The following PDE1A variants were observed in gnomAD, a reference collection of about 807,000 sequenced individuals.
The protein encoded by PDE1A is phosphodiesterase 1A.
PDE1A carries 35 observed loss-of-function variants against 61.7 expected under a neutral mutation model. The observed-to-expected ratio is 0.57, with a 90% CI of 0.43 to 0.75. The LOEUF (loss-of-function observed/expected upper bound fraction) is 0.75, where lower values mean the gene tolerates loss of function less well. Ranked by LOEUF, PDE1A falls within the 30% of genes least tolerant of loss-of-function variation. The pLI is 0.00. For synonymous variants in PDE1A, 232 were observed against 213.2 expected (o/e 1.09, Z -0.77); for missense variants, 597 against 630.6 (o/e 0.95, Z 0.57).
At chr2:182,198,216 C>T (rs1686303163) in intron 10 of PDE1A, among the ~76,000 whole-genome samples, 1 of 151,892 alleles carries the variant, frequency 6.6e-6, no homozygotes, top group Non-Finnish European at 1.5e-5. Context: ...CATACAGAAA[C>T]ACAATTGATT....
the PDE1A span, among the ~76,000 whole-genome samples, chr2:182,544,582 TGTC>T: frequency 6.6e-6 from 1 of 152,212 alleles, no homozygotes; most frequent in African/African-American, 2.4e-5. Flanking sequence ...AGGAAAGTGA[TGTC>T]GTGGAGATAG....
chr2:182,373,509 A>G (rs1174856403), intron 1 of PDE1A, among the ~76,000 whole-genome samples: 1 of 152,244 alleles, frequency 6.6e-6, no homozygotes, highest in Non-Finnish European at 1.5e-5. Flanking sequence ...ATTTAAAGGC[A>G]GTTCTAAAAC....
chr2:182,376,069 G>C (rs1700386264), intron 1 of PDE1A, among the ~76,000 whole-genome samples: 1 of 152,190 alleles, frequency 6.6e-6, no homozygotes, highest in African/African-American at 2.4e-5. Context: ...GGTCTGTAAT[G>C]GGAGGGACTG....
intron 2 of PDE1A, among the ~76,000 whole-genome samples, chr2:182,473,326 T>C (rs1240093293): frequency 6.6e-6 from 1 of 151,664 alleles, no homozygotes; most frequent in Non-Finnish European, 1.5e-5. Flanking sequence ...GAAACTACCA[T>C]CAGAGTGAAC....
chr2:182,706,966 G>A, the PDE1A span, among the ~76,000 whole-genome samples: 8 of 152,220 alleles, frequency 5.3e-5, no homozygotes, highest in African/African-American at 1.4e-4. Context: ...TGTTCTGAAA[G>A]CACTTCACTT....
rs77157065 is a variant in PDE1A at position 182,305,905 on chromosome 2, C to G, written c.54-41491G>C. Among the ~76,000 whole-genome samples, 1,053 of 152,172 alleles carry G rather than the reference C, an allele frequency of 6.9e-3. 11 individuals carry two copies. Among genetic ancestry groups the G allele is most frequent in the African/African-American group, 0.024 (983 of 41,542 alleles). On this transcript the variant is annotated intron_variant, in intron 1 of 13. Coordinates refer to ENST00000351439, the Ensembl canonical transcript of PDE1A. Reference sequence around the variant, plus strand: ...TTGTGATAAGAACATCTGAAATTTACTCTCTTAGCAATTTTAAAATATACA... The same window carrying G: ...TTGTGATAAGAACATCTGAAATTTAGTCTCTTAGCAATTTTAAAATATACA...
chr2:182,706,820 C>T, the PDE1A span, among the ~76,000 whole-genome samples: 1 of 152,164 alleles, frequency 6.6e-6, no homozygotes, highest in Admixed American at 6.5e-5. Flanking sequence ...TAAGCAGTAA[C>T]TTAAATATGT....
intron 4 of PDE1A, among the ~76,000 whole-genome samples, chr2:182,233,038 TC>T (rs1205762159): frequency 6.6e-6 from 1 of 152,234 alleles, no homozygotes; most frequent in Non-Finnish European, 1.5e-5. Context: ...TTAGTTTATA[TC>T]TTTTTTACTA....
At chr2:182,573,969 T>TA in the PDE1A span, among the ~76,000 whole-genome samples, 14 of 94,080 alleles carry the variant, frequency 1.5e-4, no homozygotes, top group East Asian at 3.3e-4. Context: ...ATATATTTTT[T>TA]TATACACACA....
intron 2 of PDE1A, among the ~76,000 whole-genome samples, chr2:182,489,618 G>T (rs557229644): frequency 2.0e-5 from 3 of 152,206 alleles, no homozygotes; most frequent in Non-Finnish European, 2.9e-5. Flanking sequence ...CTGATGAATT[G>T]GATGTGGCTG....
the PDE1A span, among the ~76,000 whole-genome samples, chr2:182,601,783 G>A: frequency 6.6e-6 from 1 of 152,208 alleles, no homozygotes; most frequent in Non-Finnish European, 1.5e-5. Context: ...TAGCAGAGTA[G>A]AGACCCTGGA....
At chr2:182,440,523 G>C (rs1684720124) in intron 2 of PDE1A, among the ~76,000 whole-genome samples, 1 of 151,996 alleles carries the variant, frequency 6.6e-6, no homozygotes, top group Non-Finnish European at 1.5e-5. Flanking sequence ...TGCAGCAAAT[G>C]CCTATTGTGT....
intron 7 of PDE1A, among the ~76,000 whole-genome samples, chr2:182,212,342 C>G (rs914755896): frequency 1.3e-5 from 2 of 152,012 alleles, no homozygotes; most frequent in Non-Finnish European, 2.9e-5. Flanking sequence ...TCACAATTTA[C>G]CATTTTTTGA....
At chr2:182,429,327 T>A (rs142096006), upstream of PDE1A, among the ~76,000 whole-genome samples, 1 of 152,144 alleles carries the variant, frequency 6.6e-6, no homozygotes, top group Non-Finnish European at 1.5e-5. Flanking sequence ...GATTTCATGA[T>A]TATTAATTAA....
At chr2:182,270,882 A>C (rs1327284514) in intron 1 of PDE1A, among the ~76,000 whole-genome samples, 2 of 151,866 alleles carry the variant, frequency 1.3e-5, no homozygotes, top group Admixed American at 1.3e-4. Flanking sequence ...TTAAATAATG[A>C]AGTCTTATCT....
the PDE1A span, among the ~76,000 whole-genome samples, chr2:182,561,174 GT>G: frequency 6.6e-6 from 1 of 151,484 alleles, no homozygotes; most frequent in East Asian, 1.9e-4. Flanking sequence ...TTCTTCTAGG[GT>G]TTTTATGGTT....
intron 2 of PDE1A, among the ~76,000 whole-genome samples, chr2:182,436,486 A>G (rs1453228611): frequency 6.6e-6 from 1 of 151,974 alleles, no homozygotes; most frequent in Non-Finnish European, 1.5e-5. Flanking sequence ...ATGGCTCGAT[A>G]CCAGAAGAGA....
chr2:182,315,038 C>T (rs1043530651), intron 1 of PDE1A, among the ~76,000 whole-genome samples: 5 of 151,996 alleles, frequency 3.3e-5, no homozygotes, highest in African/African-American at 4.8e-5. Flanking sequence ...CTGAATTTTC[C>T]GTGAACACTT....
At chr2:182,195,787 C>T (rs1686089108) in intron 10 of PDE1A, among the ~76,000 whole-genome samples, 1 of 152,082 alleles carries the variant, frequency 6.6e-6, no homozygotes, top group African/African-American at 2.4e-5. Flanking sequence ...GGTATCAGTA[C>T]TGTGGGTCTG....
Sources: allele counts gnomAD v4.1 joint callset (sites outside exome capture counted in the v4.1 genomes callset), GRCh38; gene constraint gnomAD v4.1.1; transcripts MANE v1.5; gene names NCBI Gene and HGNC (gene_info 2026-07-23, HGNC 2026-07-21).